NSD3: variants seen among roughly 807,000 people sequenced by gnomAD.
NSD3 encodes the protein histone-lysine N-methyltransferase NSD3.
A neutral mutation model predicts 160.8 loss-of-function variants in NSD3; 24 were observed. That is an observed-to-expected ratio of 0.15 (90% CI 0.11 to 0.21). The LOEUF (loss-of-function observed/expected upper bound fraction) is 0.21, where lower values mean the gene tolerates loss of function less well. Ranked by LOEUF, NSD3 falls within the 10% of genes least tolerant of loss-of-function variation. The probability of loss-of-function intolerance (pLI) is 1.00; values close to 1 mark genes in which losing one functional copy is unlikely to be tolerated. For missense variants in NSD3, 1,157 were observed against 1,735.9 expected, an observed-to-expected ratio of 0.67 and a Z score of 5.93; for synonymous variants, 520 against 600.0, an observed-to-expected ratio of 0.87 and a Z score of 1.95.
chr8:38,358,042 C>T (rs1418750401), intron 1 of NSD3, among the ~76,000 whole-genome samples: 1 of 151,630 alleles, frequency 6.6e-6, no homozygotes, highest in Non-Finnish European at 1.5e-5. Flanking sequence ...GAGTGTTAAC[C>T]CAACCAAAGA....
chr8:38,377,026 T>C (rs1390826817), intron 1 of NSD3, among the ~76,000 whole-genome samples: 1 of 152,162 alleles, frequency 6.6e-6, no homozygotes, highest in Non-Finnish European at 1.5e-5. Flanking sequence ...TGGATCCATA[T>C]GTACTAATTT....
rs1809787254 is a variant in NSD3 at position 38,321,057 on chromosome 8, A to G, written c.1809+15T>C. On this transcript the variant is annotated intron_variant, in intron 8 of 23. Transcript: ENST00000317025. The surrounding 1 kb of genome is among the most constrained non-coding windows in gnomAD (Gnocchi z 4.7). The stretch of plus-strand genomic sequence containing the variant: ...CAAATACAATGTTTTAACTCTCTAC[A>G]TGTAGGAAGCCAACCTGCTCCTTTT... The G allele has an allele frequency of 6.2e-7, 1 of 1,609,166 alleles. No individual in the cohort carries two copies. Among genetic ancestry groups the G allele is most frequent in the Admixed American group, 1.7e-5 (1 of 59,994 alleles).
chr8:38,378,239 C>T (rs1217895371), intron 1 of NSD3, among the ~76,000 whole-genome samples: 1 of 152,120 alleles, frequency 6.6e-6, no homozygotes, highest in East Asian at 1.9e-4. Flanking sequence ...GGCGTGTTGG[C>T]TCATGCCTGT....
At chr8:38,368,688 T>C (rs1811166379) in intron 1 of NSD3, among the ~76,000 whole-genome samples, 1 of 152,198 alleles carries the variant, frequency 6.6e-6, no homozygotes, top group Non-Finnish European at 1.5e-5. Context: ...TTCCCTTATC[T>C]ATCTAGTTTA....
At chr8:38,308,665 A>T (rs940269138) in intron 12 of NSD3, among the ~76,000 whole-genome samples, 2 of 151,942 alleles carry the variant, frequency 1.3e-5, no homozygotes, top group African/African-American at 4.8e-5. Context: ...CAAAAAAATT[A>T]AAAAATTAGG....
chr8:38,294,777 A>G (rs1024133894), intron 16 of NSD3, among the ~76,000 whole-genome samples: 1 of 151,868 alleles, frequency 6.6e-6, no homozygotes, highest in Non-Finnish European at 1.5e-5. Context: ...CAGGAGTTCG[A>G]GACCAGCCTG....
chr8:38,329,333 T>C lies in NSD3; in HGVS notation c.1581+45A>G. 1 of 1,579,730 alleles carries C rather than the reference T, an allele frequency of 6.3e-7. No homozygotes were observed. The highest frequency in any genetic ancestry group is 1.7e-4 in the Middle Eastern group (1 of 5,886). On this transcript the variant is annotated intron_variant, in intron 6 of 23. Transcript: ENST00000317025. The surrounding 1 kb of genome is among the most constrained non-coding windows in gnomAD (Gnocchi z 4.8). ...GTTTTAAATGCCAAGGTTGACCACT[T>C]TTAAAATACCATCCCCCAAAAAACT...
intron 12 of NSD3, among the ~76,000 whole-genome samples, chr8:38,306,618 G>A (rs956945154): frequency 5.9e-5 from 9 of 151,974 alleles, no homozygotes; most frequent in African/African-American, 4.8e-5. Context: ...TGGAGAAAAC[G>A]CACACAACAT....
Position 38,348,220 on chromosome 8 carries a change from A to G in NSD3, c.-44-5T>C. ...TTTCCCTTTCTCTCATCGGGCCTAA[A>G]ATTATAAAAGAGGGGATTAGAAGGT... On this transcript the variant is annotated splice_polypyrimidine_tract_variant and splice_region_variant and intron_variant, in intron 1 of 23. Coordinates refer to ENST00000317025, the MANE Select transcript of NSD3 (RefSeq NM_023034.2). 6.6e-7 allele frequency: 1 copy of G among 1,515,548 alleles called. No homozygotes were observed. The highest frequency in any genetic ancestry group is 8.8e-7 in the Non-Finnish European group (1 of 1,135,732). The allele number at this position is 1,515,548 out of a possible 1,614,324, so 93.9% of individuals were successfully genotyped here. A position where few individuals can be genotyped will look rare whatever the true frequency, so the allele number is the denominator to read the frequency against.
chr8:38,380,919 G>A (rs1811529854), intron 1 of NSD3: 1 of 152,036 alleles, frequency 6.6e-6, no homozygotes, highest in Non-Finnish European at 1.5e-5. Context: ...ATCAAATTAT[G>A]GCCATGTCTC....
chr8:38,295,684 G>T, intron 16 of NSD3, 112 bp downstream of exon 16: 3 of 936,156 alleles, frequency 3.2e-6, no homozygotes, highest in Non-Finnish European at 4.6e-6. Flanking sequence ...TTTTTTTAAG[G>T]AAGTAGGTCC....
chr8:38,361,754 C>CAAAA (rs756700150), intron 1 of NSD3, among the ~76,000 whole-genome samples: 10 of 30,980 alleles, frequency 3.2e-4, no homozygotes, highest in South Asian at 1.3e-3. Flanking sequence ...GACTCCGTCT[C>CAAAA]AAAAAAAAAA....
intron 19 of NSD3, among the ~76,000 whole-genome samples, chr8:38,283,906 AGC>A (rs778395260): frequency 6.6e-6 from 1 of 152,074 alleles, no homozygotes; most frequent in Non-Finnish European, 1.5e-5. Flanking sequence ...GTTTGAGATC[AGC>A]CTGGGCAACA....
chr8:38,287,487 A>G (rs570297684), intron 19 of NSD3, among the ~76,000 whole-genome samples: 1 of 152,310 alleles, frequency 6.6e-6, no homozygotes, highest in South Asian at 2.1e-4. Context: ...ACGTTATAAA[A>G]GGCTACCTAT....
intron 2 of NSD3, among the ~76,000 whole-genome samples, chr8:38,339,152 C>CAA (rs796533713): frequency 7.6e-6 from 1 of 130,738 alleles, no homozygotes; most frequent in African/African-American, 2.8e-5. Flanking sequence ...AAAAAAAAAA[C>CAA]AAAAAAAAAA....
intron 14 of NSD3, among the ~76,000 whole-genome samples, chr8:38,301,063 G>A (rs950229200): frequency 6.6e-6 from 1 of 152,078 alleles, no homozygotes; most frequent in Non-Finnish European, 1.5e-5. Flanking sequence ...TCAACCTCCT[G>A]GGCTCGAGTG....
At chr8:38,293,338 TC>T (rs1189389977) in intron 16 of NSD3, among the ~76,000 whole-genome samples, 4 of 150,026 alleles carry the variant, frequency 2.7e-5, no homozygotes, top group Admixed American at 2.7e-4. Flanking sequence ...GATCAGGAAG[TC>T]AAGAGATTGA....
At chr8:38,325,353 C>T (rs551947569) in intron 7 of NSD3, among the ~76,000 whole-genome samples, 1 of 152,234 alleles carries the variant, frequency 6.6e-6, no homozygotes, top group Non-Finnish European at 1.5e-5. Context: ...CTACTATAGT[C>T]GCTTCTTAGA....
intron 1 of NSD3, among the ~76,000 whole-genome samples, chr8:38,355,555 A>G (rs1810804907): frequency 6.6e-6 from 1 of 152,238 alleles, no homozygotes; most frequent in Non-Finnish European, 1.5e-5. Flanking sequence ...TACTACTACA[A>G]TTATAACAGA....
Sources: allele counts gnomAD v4.1 joint callset (sites outside exome capture counted in the v4.1 genomes callset), GRCh38; gene constraint gnomAD v4.1.1; non-coding constraint Gnocchi (gnomAD v3.1); transcripts MANE v1.5; gene names NCBI Gene and HGNC (gene_info 2026-07-23, HGNC 2026-07-21).